Variants in ERLEC1 observed in about 807,000 individuals in gnomAD.
ERLEC1 encodes ER lectin.
ERLEC1 carries 47 observed loss-of-function variants against 68.0 expected under a neutral mutation model. The observed-to-expected ratio is 0.69, with a 90% confidence interval of 0.55 to 0.88. The LOEUF is 0.88. Among genes scored for constraint, ERLEC1 ranks in the 40% least tolerant of loss-of-function variants. The probability of loss-of-function intolerance (pLI) is 0.00; values close to 1 mark genes in which losing one functional copy is unlikely to be tolerated. For synonymous variants in ERLEC1, 225 were observed against 203.2 expected, an observed-to-expected ratio of 1.11 and a Z score of -0.91; for missense variants, 567 against 583.8, an observed-to-expected ratio of 0.97 and a Z score of 0.30.
In ERLEC1 at chr2:53,818,010, C is replaced by A; in HGVS notation, c.*41C>A. On this transcript the variant is annotated 3_prime_UTR_variant, in exon 14 of 14. Coordinates refer to ENST00000185150, the MANE Select transcript of ERLEC1 (RefSeq NM_015701.5). The stretch of plus-strand genomic sequence containing the variant: ...GGGGAAAGAAAAGATCATTGAAAGT[C>A]ATGATAATTTCTGTCCCACTGTGTC... 1.6e-6 allele frequency: 2 copies of A among 1,236,904 alleles called. No homozygotes were observed. The highest frequency in any genetic ancestry group is 2.4e-6 in the Non-Finnish European group (2 of 837,500). 76.6% of individuals were successfully genotyped at this position (1,236,904 alleles called of 1,614,324 possible).
chr2:53,794,704 G>C (rs1464677021), intron 2 of ERLEC1, among the ~76,000 whole-genome samples: 2 of 151,958 alleles, frequency 1.3e-5, no homozygotes, highest in South Asian at 2.1e-4. Flanking sequence ...CGCCAGGCTG[G>C]AGGGCAGTGG....
Position 53,817,956 on chromosome 2 carries a change from C to T in ERLEC1, c.1439C>T (p.Ser480Phe). Residue 480 changes from serine to phenylalanine, a missense_variant, in exon 14 of 14, where the codon TCT (serine) becomes TTT (phenylalanine). Coordinates refer to ENST00000185150, the MANE Select transcript of ERLEC1 (RefSeq NM_015701.5). ...ACAGCAGATGAAAATGGACTTCTTTCTCTCCCCAACTAAAGGATATTAAAG... is the reference window on the plus strand; with the variant it reads ...ACAGCAGATGAAAATGGACTTCTTTTTCTCCCCAACTAAAGGATATTAAAG... ...LDTADENGLL[S>F]LPN 1 of 1,569,944 alleles carries T rather than the reference C, an allele frequency of 6.4e-7. No homozygotes were observed. Among genetic ancestry groups the T allele is most frequent in the Non-Finnish European group, 8.8e-7 (1 of 1,140,116 alleles).
intron 1 of ERLEC1, chr2:53,787,579 C>T: frequency 2.1e-6 from 1 of 470,844 alleles, no homozygotes; most frequent in South Asian, 5.3e-5. Context: ...CATTAGGGAT[C>T]CAGCAATCAC....
chr2:53,794,960 A>G (rs1335261262), intron 2 of ERLEC1, among the ~76,000 whole-genome samples: 4 of 152,094 alleles, frequency 2.6e-5, no homozygotes, highest in Non-Finnish European at 5.9e-5. Flanking sequence ...GCCGCAACCA[A>G]TTATTAACGT....
intron 1 of ERLEC1, among the ~76,000 whole-genome samples, chr2:53,792,648 C>G (rs1292103722): frequency 6.6e-6 from 1 of 151,696 alleles, no homozygotes; most frequent in East Asian, 1.9e-4. Context: ...TTTTTTTTGT[C>G]TTAGGGAAAA....
In ERLEC1 at chr2:53,787,273, C is replaced by G. The variant is rs1573052851; in HGVS notation, c.63C>G (p.Leu21=). Residue 21 remains leucine (L), a synonymous_variant, in exon 1 of 14, where the codon CTC becomes CTG. Coordinates refer to ENST00000185150, the MANE Select transcript of ERLEC1 (RefSeq NM_015701.5). The stretch of plus-strand genomic sequence containing the variant: ...CGGGCGGGCCGGTGTTACTGGTCCT[C>G]TGCGGCCTCCTGGAGGCGTCCGGCG... ...LVPGGPVLLV[L]CGLLEASGGG... 2 of 1,608,666 alleles carry G rather than the reference C, an allele frequency of 1.2e-6. No homozygotes were observed. Among genetic ancestry groups the G allele is most frequent in the East Asian group, 2.2e-5 (1 of 44,886 alleles).
chr2:53,788,021 A>G (rs1675163585), intron 1 of ERLEC1, among the ~76,000 whole-genome samples: 1 of 152,202 alleles, frequency 6.6e-6, no homozygotes, highest in Non-Finnish European at 1.5e-5. Context: ...TCCTGTAGTG[A>G]AGAACATTTG....
chr2:53,788,281 A>T (rs547557070), intron 1 of ERLEC1, among the ~76,000 whole-genome samples: 15 of 152,326 alleles, frequency 9.8e-5, no homozygotes, highest in African/African-American at 3.4e-4. Flanking sequence ...TCATTGAAAC[A>T]GTAAGTGACA....
At chr2:53,805,151 T>C (rs1676219448) in intron 8 of ERLEC1, among the ~76,000 whole-genome samples, 1 of 151,676 alleles carries the variant, frequency 6.6e-6, no homozygotes, top group Admixed American at 6.6e-5. Flanking sequence ...GCCTCCTGAG[T>C]AGCTGGGATT....
chr2:53,801,684 A>T (rs1676014689), intron 7 of ERLEC1, 29 bp from the exon 8 acceptor site: 2 of 1,613,668 alleles, frequency 1.2e-6, no homozygotes, highest in Non-Finnish European at 1.7e-6. Context: ...TTCTGTGCAT[A>T]GCTTTAATGC....
intron 3 of ERLEC1, 120 bp from the exon 4 acceptor site, chr2:53,797,395 G>A (rs536615899): frequency 3.0e-6 from 2 of 656,228 alleles, no homozygotes; most frequent in East Asian, 2.8e-5. Flanking sequence ...AATTATAAGT[G>A]TCATTTAATG....
At chr2:53,796,745 C>T (rs1675727166) in intron 3 of ERLEC1, among the ~76,000 whole-genome samples, 1 of 152,120 alleles carries the variant, frequency 6.6e-6, no homozygotes, top group African/African-American at 2.4e-5. Context: ...CGACTGTGCC[C>T]AGCTAGTTAT....
At position 53,787,140 on chromosome 2, in the gene ERLEC1, T is replaced by TCCA; in HGVS notation, c.-69_-68insACC. On this transcript the variant is annotated 5_prime_UTR_variant, in exon 1 of 14. Transcript: ENST00000185150. Reference sequence around the variant, plus strand: ...TAGTCCCGCCGCCTCCTCCTCCACCTCCTCCTCCTCCTCCTCTCCTCCTGG... The same window carrying TCCA: ...TAGTCCCGCCGCCTCCTCCTCCACCTCCACCTCCTCCTCCTCCTCTCCTCCTGG... 1 of 375,970 alleles carries TCCA rather than the reference T, an allele frequency of 2.7e-6. No homozygotes were observed. Among genetic ancestry groups the TCCA allele is most frequent in the Non-Finnish European group, 4.3e-6 (1 of 230,934 alleles). 23.3% of individuals were successfully genotyped at this position (375,970 alleles called of 1,614,324 possible). A position where few individuals can be genotyped will look rare whatever the true frequency, so the allele number is the denominator to read the frequency against.
intron 6 of ERLEC1, among the ~76,000 whole-genome samples, chr2:53,801,015 T>C (rs1675974889): frequency 6.6e-6 from 1 of 152,152 alleles, no homozygotes; most frequent in Admixed American, 6.6e-5. Flanking sequence ...ACCGAGAGTT[T>C]AGAGAAGAAA....
Position 53,791,980 on chromosome 2 carries a change from C to T in ERLEC1, c.163-2365C>T, listed in dbSNP as rs538788690. The stretch of plus-strand genomic sequence containing the variant: ...AGGCTAGAGTGCAGTGGCGAGGTCT[C>T]AGCTCTCTGCAAGCTCCGCCTCCCG... On this transcript the variant is annotated intron_variant, in intron 1 of 13. Coordinates refer to ENST00000185150, the MANE Select transcript of ERLEC1 (RefSeq NM_015701.5). 1.7e-4 allele frequency among the ~76,000 whole-genome samples: 26 copies of T among 150,872 alleles called. No homozygotes were observed. The Middle Eastern group carries it at 0.014, about 79-fold the overall frequency.
intron 6 of ERLEC1, among the ~76,000 whole-genome samples, chr2:53,800,383 A>G (rs1675941573): frequency 6.6e-6 from 1 of 152,136 alleles, no homozygotes; most frequent in Admixed American, 6.6e-5. Flanking sequence ...GCAGTGCATG[A>G]CTGTATATTA....
At chr2:53,807,808 A>G (rs1407389701) in intron 8 of ERLEC1, among the ~76,000 whole-genome samples, 1 of 152,100 alleles carries the variant, frequency 6.6e-6, no homozygotes, top group Non-Finnish European at 1.5e-5. Flanking sequence ...GTATGAGAAC[A>G]GCCTGGCCAA....
rs146545117 is a variant in ERLEC1, at chr2:53,810,059, G to A, written c.1101+786G>A. ...GAGCGAGACTCTGTCTCAAAAAAGC[G>A]AGACTCCTCAAAAAACCAAACAAAC... is the stretch of plus-strand genomic sequence containing the variant. On this transcript the variant is annotated intron_variant, in intron 10 of 13. Coordinates refer to ENST00000185150, the MANE Select transcript of ERLEC1 (RefSeq NM_015701.5). 4.3e-4 allele frequency among the ~76,000 whole-genome samples: 65 copies of A among 152,130 alleles called. 1 individual carries two copies. In the East Asian group the frequency reaches 9.5e-3, roughly 22 times the overall value.
At chr2:53,799,126 A>C (rs1406036051) in intron 6 of ERLEC1, 45 bp downstream of exon 6, 2 of 1,537,280 alleles carry the variant, frequency 1.3e-6, no homozygotes, top group South Asian at 2.3e-5. Context: ...ACTTATTGTT[A>C]GTGAGGTATG....
Sources: gnomAD v4.1 joint callset for allele counts (sites outside exome capture counted in the v4.1 genomes callset) on GRCh38, gnomAD v4.1.1 for gene constraint, MANE v1.5 for transcripts, NCBI Gene and HGNC (gene_info 2026-07-23, HGNC 2026-07-21) for gene names.